ADAMTS2: variants seen among roughly 807,000 people sequenced by gnomAD.
The protein encoded by ADAMTS2 is A disintegrin and metalloproteinase with thrombospondin motifs 2.
Under a neutral mutation model 123.0 loss-of-function variants are expected in ADAMTS2, and 50 were observed. The ratio of observed to expected loss-of-function variants is 0.41; its 90% CI spans 0.32 to 0.51. The LOEUF is 0.51. Ranked by LOEUF, ADAMTS2 falls within the 20% of genes least tolerant of loss-of-function variation. The pLI is 0.35. For missense variants in ADAMTS2, 1,494 were observed against 1,705.2 expected, an observed-to-expected ratio of 0.88 and a Z score of 2.18; for synonymous variants, 678 against 695.4, an observed-to-expected ratio of 0.98 and a Z score of 0.39.
At position 179,272,230 on chromosome 5, in the gene ADAMTS2, C is replaced by CT. The variant is rs1400961491; in HGVS notation, c.688+680dup. On this transcript the variant is annotated intron_variant, in intron 3 of 21. Transcript: ENST00000251582. The surrounding 1 kb of genome is among the most constrained non-coding windows in gnomAD (Gnocchi z 5.8). Reference sequence around the variant, plus strand: ...CCAGATCTGAGGCGACAGTCATGGACTGTCACCATGGCCGCCTGGCAGCTC... The same window carrying CT: ...CCAGATCTGAGGCGACAGTCATGGACTTGTCACCATGGCCGCCTGGCAGCTC... 4.6e-5 allele frequency among the ~76,000 whole-genome samples: 7 copies of CT among 152,228 alleles called. No individual in the cohort carries two copies. The highest frequency in any genetic ancestry group is 1.7e-4 in the African/African-American group (7 of 41,464).
intron 2 of ADAMTS2, among the ~76,000 whole-genome samples, chr5:179,318,023 G>A (rs573220254): frequency 2.0e-5 from 3 of 152,254 alleles, no homozygotes; most frequent in African/African-American, 4.8e-5. Flanking sequence ...CCACCTGCAC[G>A]TCCTCCCCAA....
At chr5:179,148,680 G>C (rs1048232424) in intron 10 of ADAMTS2, among the ~76,000 whole-genome samples, 13 of 152,142 alleles carry the variant, frequency 8.5e-5, no homozygotes, top group Non-Finnish European at 1.5e-4. Context: ...CTCCTCGCTC[G>C]GGCAAGCCCC....
rs1765475106 is a variant in ADAMTS2, at chr5:179,234,173, T to C, written c.689-26458A>G. Reference sequence around the variant, plus strand: ...CTCTCTGCCAGAAGAGACCCTCTCCTGCCACAGGCGCCCTCCCCATCAGAT... The same window carrying C: ...CTCTCTGCCAGAAGAGACCCTCTCCCGCCACAGGCGCCCTCCCCATCAGAT... On this transcript the variant is annotated intron_variant, in intron 3 of 21. Transcript: ENST00000251582. The surrounding 1 kb of genome is among the most constrained non-coding windows in gnomAD (Gnocchi z 4.7). Among the ~76,000 whole-genome samples the C allele has an allele frequency of 6.6e-6, 1 of 152,112 alleles. No individual in the cohort carries two copies. The highest frequency in any genetic ancestry group is 6.5e-5 in the Admixed American group (1 of 15,274).
chr5:179,326,100 C>T (rs976304184), intron 2 of ADAMTS2, among the ~76,000 whole-genome samples: 4 of 152,250 alleles, frequency 2.6e-5, no homozygotes, highest in Non-Finnish European at 4.4e-5. Flanking sequence ...GCCTGCCCGC[C>T]ACGAGACTCT....
Position 179,124,982 on chromosome 5 carries a change from G to T in ADAMTS2, c.2949C>A (p.Pro983=). ...ELCPGRWRAG[P]WSQCSVTCGN... ...TCGGGGGATTGCGTACCTGGGACCA[G>T]GGCCCGGCTCGCCAACGACCAGGGC... Residue 983 remains proline, a synonymous_variant, in exon 19 of 22, where the codon CCC becomes CCA. Transcript: ENST00000251582. The T allele has an allele frequency of 6.2e-7, 1 of 1,606,608 alleles. No individual in the cohort carries two copies.
At chr5:179,172,582 G>A (rs924660598) in intron 5 of ADAMTS2, among the ~76,000 whole-genome samples, 2 of 152,176 alleles carry the variant, frequency 1.3e-5, no homozygotes, top group African/African-American at 4.8e-5. Flanking sequence ...AGGTGGACCC[G>A]CTGCAGGTGG....
rs544250331 is a variant in ADAMTS2, at chr5:179,281,016, T to C, written c.535-7952A>G. Among the ~76,000 whole-genome samples the C allele has an allele frequency of 2.3e-3, 351 of 152,206 alleles. 2 individuals are homozygous for C. Among genetic ancestry groups the C allele is most frequent in the African/African-American group, 7.9e-3 (329 of 41,526 alleles). On this transcript the variant is annotated intron_variant, in intron 2 of 21. Coordinates refer to ENST00000251582, the MANE Select transcript of ADAMTS2 (RefSeq NM_014244.5). ...GGGATTACTGGTACACACCACCACA[T>C]CCAGCTAATTTTTGTATTTCTAGTA...
At chr5:179,143,742 T>TTGTG (rs61636040) in intron 10 of ADAMTS2, among the ~76,000 whole-genome samples, 22 of 151,714 alleles carry the variant, frequency 1.5e-4, no homozygotes, top group Non-Finnish European at 3.2e-4. Context: ...CGGAATAGAT[T>TTGTG]TGTGTGTGTG....
intron 2 of ADAMTS2, among the ~76,000 whole-genome samples, chr5:179,294,621 C>T (rs1218379124): frequency 6.6e-6 from 1 of 152,208 alleles, no homozygotes; most frequent in Non-Finnish European, 1.5e-5. Flanking sequence ...CACCCCAAGC[C>T]CTGCCCCCGC....
chr5:179,325,431 G>A (rs930852726), intron 2 of ADAMTS2, among the ~76,000 whole-genome samples: 5 of 152,224 alleles, frequency 3.3e-5, no homozygotes, highest in Non-Finnish European at 7.3e-5. Flanking sequence ...GGGACCCATA[G>A]CTCCTCCTGA....
At chr5:179,291,257 G>A (rs1581250207) in intron 2 of ADAMTS2, among the ~76,000 whole-genome samples, 1 of 152,218 alleles carries the variant, frequency 6.6e-6, no homozygotes, top group Non-Finnish European at 1.5e-5. Flanking sequence ...TGCATCGGCT[G>A]TGGGGCCACC....
intron 3 of ADAMTS2, among the ~76,000 whole-genome samples, chr5:179,226,124 G>C (rs990261940): frequency 6.6e-6 from 1 of 152,196 alleles, no homozygotes; most frequent in Non-Finnish European, 1.5e-5. Context: ...AGGAGGACAA[G>C]AGAACTTCTC....
At chr5:179,309,757 CAAAAAAAAAAA>C (rs34487269) in intron 2 of ADAMTS2, among the ~76,000 whole-genome samples, 7 of 44,448 alleles carry the variant, frequency 1.6e-4, no homozygotes, top group Admixed American at 3.1e-4. Context: ...ACTCAGTCTC[CAAAAAAAAAAA>C]AAAAAAAAAA....
chr5:179,259,741 A>G (rs776324992), intron 3 of ADAMTS2, among the ~76,000 whole-genome samples: 33 of 152,206 alleles, frequency 2.2e-4, no homozygotes, highest in Non-Finnish European at 4.6e-4. Context: ...TAAAGGACAG[A>G]CAGTTAACTG....
chr5:179,121,972 C>T (rs1279790604), intron 20 of ADAMTS2: 4 of 389,438 alleles, frequency 1.0e-5, no homozygotes, highest in African/African-American at 2.1e-5. Flanking sequence ...CCGTCCCTCT[C>T]GCTGCCCTGG....
chr5:179,277,130 G>T (rs1003429860), intron 2 of ADAMTS2, among the ~76,000 whole-genome samples: 3 of 152,134 alleles, frequency 2.0e-5, no homozygotes, highest in African/African-American at 7.2e-5. Context: ...GCACACTGGG[G>T]TCCATCTGAA....
chr5:179,341,669 C>T lies in ADAMTS2; in HGVS notation c.534+2098G>A, dbSNP rs183629893. 7.3e-5 allele frequency among the ~76,000 whole-genome samples: 11 copies of T among 151,040 alleles called. No individual in the cohort carries two copies. The East Asian group carries it at 1.9e-3, about 27-fold the overall frequency. The stretch of plus-strand genomic sequence containing the variant: ...CAGAGCGCTTGCAGTGAGCTGAGAT[C>T]GCGCCACTGCACTCCAGCCTGGGTA... On this transcript the variant is annotated intron_variant, in intron 2 of 21. Coordinates refer to ENST00000251582, the MANE Select transcript of ADAMTS2 (RefSeq NM_014244.5).
intron 18 of ADAMTS2, among the ~76,000 whole-genome samples, chr5:179,125,400 C>T (rs1038578361): frequency 6.6e-6 from 1 of 152,240 alleles, no homozygotes; most frequent in African/African-American, 2.4e-5. Context: ...TCCTACTGAC[C>T]ATGAGTCCCA....
In ADAMTS2 at chr5:179,317,400, A is replaced by G. The variant is rs1472973007; in HGVS notation, c.534+26367T>C. Among the ~76,000 whole-genome samples, 1 of 152,178 alleles carries G rather than the reference A, an allele frequency of 6.6e-6. No individual in the cohort carries two copies. Among genetic ancestry groups the G allele is most frequent in the Non-Finnish European group, 1.5e-5 (1 of 68,022 alleles). On this transcript the variant is annotated intron_variant, in intron 2 of 21. Transcript: ENST00000251582. The surrounding 1 kb of genome is among the most constrained non-coding windows in gnomAD (Gnocchi z 4.9). ...TCTGACCCCGATTCCTGTCACCAAC[A>G]CAACAGGAAAGGAGCTTGAAGACCC... is the stretch of plus-strand genomic sequence containing the variant.
Sources: allele counts gnomAD v4.1 joint callset (sites outside exome capture counted in the v4.1 genomes callset), GRCh38; gene constraint gnomAD v4.1.1; non-coding constraint Gnocchi (gnomAD v3.1); transcripts MANE v1.5; gene names NCBI Gene and HGNC (gene_info 2026-07-23, HGNC 2026-07-21).